The following PCM1 variants were observed in gnomAD, a reference collection of about 807,000 sequenced individuals.
PCM1 encodes the protein pericentriolar material 1, also known as pericentriolar material 1 protein.
PCM1 carries 157 observed loss-of-function variants against 241.9 expected under a neutral mutation model. The ratio of observed to expected loss-of-function variants is 0.65; its 90% CI spans 0.57 to 0.74. The LOEUF (loss-of-function observed/expected upper bound fraction) is 0.74. Among genes scored for constraint, PCM1 ranks in the 30% least tolerant of loss-of-function variants. The pLI is 0.00. For synonymous variants in PCM1, 1,085 were observed against 784.9 expected (o/e 1.38, Z -6.39); for missense variants, 3,478 against 2,360.1 (o/e 1.47, Z -9.81).
At position 18,011,801 on chromosome 8, in the gene PCM1, A is replaced by G; in HGVS notation, c.5485A>G (p.Thr1829Ala). Reference sequence around the variant, plus strand: ...TTCCCTCCAGGCTAACACTGAAGCTACTGAAGAAAATGAACATGATGAACA... The same window carrying G: ...TTCCCTCCAGGCTAACACTGAAGCTGCTGAAGAAAATGAACATGATGAACA... Reference protein sequence around the residue: ...QTSLQANTEATEENEHDEQVL... With the variant: ...QTSLQANTEAAEENEHDEQVL... The change falls in exon 34 of 39, where the codon ACT becomes GCT. Residue 1829 changes from threonine (T) to alanine (A), a missense_variant. By Grantham distance (58) the Thr-to-Ala change is moderately conservative. Transcript: ENST00000325083. The G allele has an allele frequency of 6.2e-7, 1 of 1,613,252 alleles. No individual in the cohort carries two copies. The highest frequency in any genetic ancestry group is 8.5e-7 in the Non-Finnish European group (1 of 1,179,688).
In PCM1 at chr8:18,009,596, A is replaced by G. The variant is rs1422002634; in HGVS notation, c.5012A>G (p.Asp1671Gly). 8.1e-6 allele frequency: 13 copies of G among 1,603,058 alleles called. No homozygotes were observed. Among genetic ancestry groups the G allele is most frequent in the Non-Finnish European group, 1.1e-5 (13 of 1,174,372 alleles). The change falls in exon 31 of 39, where the codon GAT becomes GGT. Residue 1671 changes from aspartate (D) to glycine (G), a missense_variant. By Grantham distance (94) the Asp-to-Gly change is moderately conservative. Transcript: ENST00000325083. Reference protein sequence around the residue: ...AGRKLKDCGEDLLVEISEVLF... With the variant: ...AGRKLKDCGEGLLVEISEVLF... ...AGAAAACTGAAAGACTGTGGAGAAG[A>G]TCTTCTTGTAGAGATATCTGAAGTG...
chr8:17,939,982 T>C (rs1387746649), intron 6 of PCM1, 121 bp downstream of exon 6: 1 of 1,241,020 alleles, frequency 8.1e-7, no homozygotes, highest in Admixed American at 2.0e-5. Flanking sequence ...ATGCCATCCA[T>C]TATAACAATT....
chr8:17,928,165 A>G (rs1395861048), intron 2 of PCM1, among the ~76,000 whole-genome samples: 1 of 152,190 alleles, frequency 6.6e-6, no homozygotes, highest in Non-Finnish European at 1.5e-5. Context: ...TTTCTGTTTA[A>G]CTTGCATGGC....
In PCM1 at chr8:18,029,934, A is replaced by G. The variant is rs1297346700; in HGVS notation, c.*2272A>G. The G allele has an allele frequency of 1.1e-5, 2 of 183,520 alleles. No individual in the cohort carries two copies. Among genetic ancestry groups the G allele is most frequent in the East Asian group, 1.8e-4 (2 of 11,182 alleles). The allele number at this position is 183,520 out of a possible 1,614,324, so 11.4% of individuals were successfully genotyped here. Reference sequence around the variant, plus strand: ...ATGCTTTTTCACTGTTAATAAATATATATCCTGTATACAACCCTGAATTGT... The same window carrying G: ...ATGCTTTTTCACTGTTAATAAATATGTATCCTGTATACAACCCTGAATTGT... On this transcript the variant is annotated 3_prime_UTR_variant, in exon 39 of 39. Transcript: ENST00000325083.
At chr8:17,945,109 T>C (rs1054238576) in intron 6 of PCM1, among the ~76,000 whole-genome samples, 11 of 152,150 alleles carry the variant, frequency 7.2e-5, no homozygotes, top group African/African-American at 2.7e-4. Context: ...ATTTTACCGT[T>C]GACTTTGATG....
chr8:18,000,102 C>T (rs1475124131), intron 29 of PCM1, among the ~76,000 whole-genome samples: 1 of 152,168 alleles, frequency 6.6e-6, no homozygotes, highest in Non-Finnish European at 1.5e-5. Flanking sequence ...GGGAAAGCTT[C>T]TAATGAGGGA....
Position 17,952,987 on chromosome 8 carries a change from C to T in PCM1, c.1089C>T (p.Asp363=). ...TTAATAAGCCTCCAGCTGTTCCAGA[C>T]AATAGAAGACAGGCAGAAAGTCTTT... ...LRDSQPPAVP[D]NRRQAESLSL... The change falls in exon 9 of 39, where the codon GAC becomes GAT. Residue 363 remains aspartate (D), a synonymous_variant. Transcript: ENST00000325083. 6.3e-7 allele frequency: 1 copy of T among 1,595,446 alleles called. No individual in the cohort carries two copies. The highest frequency in any genetic ancestry group is 8.5e-7 in the Non-Finnish European group (1 of 1,169,770).
chr8:17,955,361 T>A, intron 9 of PCM1, 109 bp from the exon 10 acceptor site: 1 of 687,150 alleles, frequency 1.5e-6, no homozygotes. Context: ...CTGCAGAAAT[T>A]AAGTTGTTAA....
intron 6 of PCM1, among the ~76,000 whole-genome samples, chr8:17,940,549 C>T (rs756952250): frequency 2.0e-5 from 3 of 152,128 alleles, no homozygotes; most frequent in Non-Finnish European, 4.4e-5. Flanking sequence ...TAACCAAGTT[C>T]ATTTGTCACT....
intron 22 of PCM1, 74 bp from the exon 23 acceptor site, chr8:17,972,255 C>A (rs1219170796): frequency 1.3e-5 from 11 of 823,348 alleles, no homozygotes; most frequent in Non-Finnish European, 2.0e-5. Flanking sequence ...CTCGAGTAGA[C>A]TATAAATTCA....
chr8:17,953,055 C>T lies in PCM1; in HGVS notation c.1157C>T (p.Ser386Leu). The T allele has an allele frequency of 6.2e-7, 1 of 1,606,954 alleles. No individual in the cohort carries two copies. Among genetic ancestry groups the T allele is most frequent in the Non-Finnish European group, 8.5e-7 (1 of 1,176,210 alleles). Residue 386 changes from serine (S) to leucine (L), a missense_variant, in exon 9 of 39, where the codon TCA becomes TTA. Transcript: ENST00000325083. The part of the protein sequence containing the change: ...EVSQSRKPSA[S>L]ERLPDEKVEL... Reference sequence around the variant, plus strand: ...TCCCAGAGCAGGAAACCATCAGCTTCAGAACGTTTACCTGATGAGAAAGTC... The same window carrying T: ...TCCCAGAGCAGGAAACCATCAGCTTTAGAACGTTTACCTGATGAGAAAGTC...
At chr8:18,013,603 G>A (rs2092780624) in intron 34 of PCM1, among the ~76,000 whole-genome samples, 1 of 152,022 alleles carries the variant, frequency 6.6e-6, no homozygotes, top group African/African-American at 2.4e-5. Context: ...CTCAGTTTTT[G>A]TTTCCTCTCC....
chr8:17,964,806 A>C (rs906484299), intron 18 of PCM1, 38 bp downstream of exon 18: 3 of 1,505,298 alleles, frequency 2.0e-6, no homozygotes, highest in Non-Finnish European at 2.8e-6. Flanking sequence ...TTAATTTAAG[A>C]GGCTCAGGTC....
chr8:17,994,187 C>T (rs111648505), intron 29 of PCM1, among the ~76,000 whole-genome samples: 2,362 of 152,310 alleles, frequency 0.016, 62 homozygotes, highest in African/African-American at 0.054. Flanking sequence ...TTCCCTACTA[C>T]CTTTCATAGC....
chr8:18,026,163 CTGAAACAAAAAAAAAAA>C (rs1266055654), intron 38 of PCM1, among the ~76,000 whole-genome samples: 28 of 53,676 alleles, frequency 5.2e-4, no homozygotes, highest in East Asian at 1.4e-3. Context: ...GACTCCCTCT[CTGAAACAAAAAAAAAAA>C]AAAAAAAAAA....
intron 16 of PCM1, 106 bp downstream of exon 16, chr8:17,962,280 T>C: frequency 3.3e-6 from 3 of 915,352 alleles, no homozygotes; most frequent in Non-Finnish European, 4.7e-6. Flanking sequence ...CCTTGAAACA[T>C]GTTTGTAAAT....
chr8:18,015,101 G>T (rs988540792), intron 36 of PCM1, among the ~76,000 whole-genome samples: 1 of 152,128 alleles, frequency 6.6e-6, no homozygotes, highest in African/African-American at 2.4e-5. Flanking sequence ...CTCTGAAGTG[G>T]TAATGATGCA....
At chr8:18,022,758 A>G (rs537909948) in intron 36 of PCM1, among the ~76,000 whole-genome samples, 2 of 152,366 alleles carry the variant, frequency 1.3e-5, no homozygotes, top group East Asian at 1.9e-4. Flanking sequence ...GCTCTCCTAT[A>G]TAATGACACA....
chr8:17,964,979 C>G (rs1444463101), intron 18 of PCM1, among the ~76,000 whole-genome samples: 1 of 152,136 alleles, frequency 6.6e-6, no homozygotes, highest in African/African-American at 2.4e-5. Flanking sequence ...ATTTCAACTG[C>G]TTGGTCCCCA....
Sources: gnomAD v4.1 joint callset for allele counts (sites outside exome capture counted in the v4.1 genomes callset) on GRCh38, gnomAD v4.1.1 for gene constraint, MANE v1.5 for transcripts, NCBI Gene and HGNC (gene_info 2026-07-23, HGNC 2026-07-21) for gene names.